The following TENM1 variants were observed in gnomAD, a reference collection of about 807,000 sequenced individuals.
TENM1 encodes the protein teneurin transmembrane protein 1, also known as teneurin-1.
A neutral mutation model predicts 174.8 loss-of-function variants in TENM1; 35 were observed. That is an observed-to-expected ratio of 0.20 (90% confidence interval 0.15 to 0.27). TENM1 has a LOEUF of 0.27. Ranked by LOEUF, TENM1 falls within the 10% of genes least tolerant of loss-of-function variation. The probability of loss-of-function intolerance (pLI) is 1.00; values close to 1 mark genes in which losing one functional copy is unlikely to be tolerated. For missense variants in TENM1, 1,633 were observed against 2,130.1 expected (o/e 0.77, Z 4.59); for synonymous variants, 781 against 798.7 (o/e 0.98, Z 0.37).
chrX:124,894,398 T>C (rs1437342580), intron 2 of TENM1, 46 bp from the exon 6 acceptor site: 9 of 1,011,821 alleles, frequency 8.9e-6, no homozygotes, highest in Non-Finnish European at 1.1e-5. Context: ...CCAAGTCATC[T>C]GCAATTCCTC....
At chrX:124,480,804 TATGCATGC>T (rs2147933984) in intron 22 of TENM1, among the ~76,000 whole-genome samples, 1 of 111,951 alleles carries the variant, frequency 8.9e-6, no homozygotes, top group East Asian at 2.8e-4. Context: ...TGCATACATG[TATGCATGC>T]ATGCAGATAC....
At chrX:124,955,598 G>T (rs1156933608) in intron 1 of TENM1, among the ~76,000 whole-genome samples, 1 of 110,908 alleles carries the variant, frequency 9.0e-6, no homozygotes, top group Admixed American at 9.7e-5. Context: ...ATTTCTGATT[G>T]TATGTATTTT....
chrX:124,931,874 C>T (rs1396196615), intron 1 of TENM1, among the ~76,000 whole-genome samples: 1 of 75,921 alleles, frequency 1.3e-5, no homozygotes, highest in Non-Finnish European at 3.0e-5. Context: ...AGCGCACGCA[C>T]ACACACACAC....
At chrX:124,810,750 C>T (rs2147265242) in intron 3 of TENM1, among the ~76,000 whole-genome samples, 1 of 111,312 alleles carries the variant, frequency 9.0e-6, no homozygotes, top group Admixed American at 9.6e-5. Flanking sequence ...CAATCTTGAG[C>T]AAAATGAACA....
rs755868004 is a variant in TENM1 at position 124,659,756 on chromosome X, T to G, written c.1169-5973A>C. Among the ~76,000 whole-genome samples, 3 of 111,818 alleles carry G rather than the reference T, an allele frequency of 2.7e-5. No homozygotes were observed. In the East Asian group the frequency reaches 8.4e-4, roughly 31 times the overall value. ...TACAAACCTACACTAATCAAGATAA[T>G]GAGTACTGGCATTAGGATAGATATA... On this transcript the variant is annotated intron_variant, in intron 6 of 31. Coordinates refer to ENST00000422452, the Ensembl canonical transcript of TENM1.
the TENM1 span, among the ~76,000 whole-genome samples, chrX:125,140,088 T>A: frequency 9.0e-6 from 1 of 111,674 alleles, no homozygotes; most frequent in Non-Finnish European, 1.9e-5. Flanking sequence ...ATCCAGCACA[T>A]CTTATTTATA....
intron 23 of TENM1, among the ~76,000 whole-genome samples, chrX:124,434,523 C>T (rs2060814313): frequency 8.9e-6 from 1 of 112,158 alleles, no homozygotes; most frequent in Admixed American, 9.4e-5. Flanking sequence ...TCTGAGTCTG[C>T]TGTGTAATTG....
At chrX:124,665,619 C>T (rs2051739662) in intron 6 of TENM1, among the ~76,000 whole-genome samples, 1 of 112,287 alleles carries the variant, frequency 8.9e-6, no homozygotes, top group African/African-American at 3.2e-5. Context: ...AATAGGTCCA[C>T]TTTTACTTGT....
exon 32 of TENM1, chrX:124,378,210 A>G (rs1453912068): frequency 8.9e-6 from 1 of 112,361 alleles, no homozygotes; most frequent in Non-Finnish European, 1.9e-5. Context: ...AAAGCTTCAA[A>G]TATTTGTTTC....
At chrX:125,151,335 A>T in the TENM1 span, among the ~76,000 whole-genome samples, 5 of 112,544 alleles carry the variant, frequency 4.4e-5, no homozygotes, top group African/African-American at 1.6e-4. Context: ...CTGCTTTAAA[A>T]ATAATGGCAA....
intron 14 of TENM1, among the ~76,000 whole-genome samples, chrX:124,548,583 A>G (rs2048485944): frequency 8.9e-6 from 1 of 112,048 alleles, no homozygotes; most frequent in African/African-American, 3.2e-5. Context: ...CCAGGTCCTT[A>G]AAGAAGGCAA....
chrX:124,916,818 T>G (rs1217316734), intron 1 of TENM1, among the ~76,000 whole-genome samples: 4 of 108,443 alleles, frequency 3.7e-5, no homozygotes. Context: ...ACCTTTCCAC[T>G]CCTCATCTTT....
rs145672427 is a variant in TENM1 at position 124,645,366 on chromosome X, T to G, written c.1682-29A>C. The G allele has an allele frequency of 1.4e-3, 1,624 of 1,170,800 alleles. 12 individuals carry two copies. The African/African-American group carries it at 0.025, about 18-fold the overall frequency. On this transcript the variant is annotated intron_variant, in intron 9 of 31. Transcript: ENST00000422452. ...AAGGTTGGCAAATGAACTTGTAATG[T>G]TCTCATAATGCTTTCAAAGTCTCCA...
intron 10 of TENM1, among the ~76,000 whole-genome samples, chrX:124,643,587 C>G (rs1471575932): frequency 9.0e-6 from 1 of 111,502 alleles, no homozygotes; most frequent in African/African-American, 3.3e-5. Context: ...ACAACAGCAA[C>G]AGCAGCAACA....
chrX:124,466,314 T>C (rs1338380858), intron 22 of TENM1, among the ~76,000 whole-genome samples: 4 of 111,872 alleles, frequency 3.6e-5, no homozygotes, highest in Non-Finnish European at 7.5e-5. Context: ...GAGTAATTAA[T>C]AACAGGCAGT....
At chrX:124,943,864 C>T (rs2058364792) in intron 1 of TENM1, among the ~76,000 whole-genome samples, 1 of 111,482 alleles carries the variant, frequency 9.0e-6, no homozygotes. Context: ...CATGTAAGTC[C>T]CTTTGTCAAC....
intron 4 of TENM1, among the ~76,000 whole-genome samples, chrX:124,720,581 C>T (rs1394502265): frequency 1.8e-5 from 2 of 112,167 alleles, no homozygotes; most frequent in African/African-American, 6.5e-5. Flanking sequence ...TCTCCTAAGG[C>T]TGTGTCACCA....
At chrX:124,667,030 G>T (rs1243121585) in intron 6 of TENM1, among the ~76,000 whole-genome samples, 1 of 111,731 alleles carries the variant, frequency 9.0e-6, no homozygotes, top group Admixed American at 9.5e-5. Flanking sequence ...AATATAAAAC[G>T]TGAAACTCGG....
intron 6 of TENM1, among the ~76,000 whole-genome samples, chrX:124,664,037 T>C (rs984128956): frequency 9.0e-5 from 10 of 111,567 alleles, no homozygotes; most frequent in African/African-American, 2.9e-4. Flanking sequence ...TAGGGAAACA[T>C]CTATATAGCA....
Sources: allele counts gnomAD v4.1 joint callset (sites outside exome capture counted in the v4.1 genomes callset), GRCh38; gene constraint gnomAD v4.1.1; transcripts MANE v1.5; gene names NCBI Gene and HGNC (gene_info 2026-07-23, HGNC 2026-07-21).